Variants in GRK5 observed in about 807,000 individuals in gnomAD.
The protein encoded by GRK5 is g protein-coupled receptor kinase GRK5.
GRK5 carries 40 observed loss-of-function variants against 78.4 expected under a neutral mutation model. That is an observed-to-expected ratio of 0.51 (90% CI 0.40 to 0.66). The LOEUF (loss-of-function observed/expected upper bound fraction) is 0.66, where lower values mean the gene tolerates loss of function less well. GRK5 is among the 30% of genes least tolerant of loss of function. GRK5 has a pLI of 0.00. For synonymous variants in GRK5, 289 were observed against 296.8 expected (o/e 0.97, Z 0.27); for missense variants, 598 against 759.9 (o/e 0.79, Z 2.50).
chr10:119,350,837 G>A (rs1013822442), intron 2 of GRK5, among the ~76,000 whole-genome samples: 1 of 152,222 alleles, frequency 6.6e-6, no homozygotes, highest in Non-Finnish European at 1.5e-5. Flanking sequence ...CATGCACGCA[G>A]CACAGCAGAA....
At chr10:119,350,379 A>G (rs1316764854) in intron 2 of GRK5, among the ~76,000 whole-genome samples, 1 of 152,264 alleles carries the variant, frequency 6.6e-6, no homozygotes, top group Non-Finnish European at 1.5e-5. Flanking sequence ...TATTGCCAAG[A>G]AACATTTTGC....
chr10:119,310,085 G>A (rs773254353), intron 1 of GRK5, among the ~76,000 whole-genome samples: 1 of 152,212 alleles, frequency 6.6e-6, no homozygotes, highest in Non-Finnish European at 1.5e-5. Flanking sequence ...GGTAATTAAT[G>A]TACCTGAGTG....
intron 1 of GRK5, among the ~76,000 whole-genome samples, chr10:119,270,519 C>T (rs898230246): frequency 6.6e-6 from 1 of 152,336 alleles, no homozygotes; most frequent in East Asian, 1.9e-4. Flanking sequence ...CATTTTATAT[C>T]AGGGACTTGA....
chr10:119,288,881 C>T (rs1849904290), intron 1 of GRK5, among the ~76,000 whole-genome samples: 1 of 152,242 alleles, frequency 6.6e-6, no homozygotes, highest in Non-Finnish European at 1.5e-5. Flanking sequence ...AACCTCCCAC[C>T]TTGGGTATGC....
Position 119,412,804 on chromosome 10 carries a change from G to A in GRK5, c.340-10362G>A, listed in dbSNP as rs778841092. Among the ~76,000 whole-genome samples, 2 of 152,190 alleles carry A rather than the reference G, an allele frequency of 1.3e-5. No homozygotes were observed. The highest frequency in any genetic ancestry group is 2.9e-5 in the Non-Finnish European group (2 of 68,038). On this transcript the variant is annotated intron_variant, in intron 4 of 15. Coordinates refer to ENST00000392870, the MANE Select transcript of GRK5 (RefSeq NM_005308.3). This position sits in a 1 kb window ranked among gnomAD's most constrained non-coding sequence, Gnocchi z 4.3. Reference sequence around the variant, plus strand: ...TGTGACCGTATGAGCATGTTTAATTGCAAGCCAGGGTTTAGGGTTGGAACA... The same window carrying A: ...TGTGACCGTATGAGCATGTTTAATTACAAGCCAGGGTTTAGGGTTGGAACA...
chr10:119,239,320 C>A (rs900538759), intron 1 of GRK5, among the ~76,000 whole-genome samples: 1 of 151,744 alleles, frequency 6.6e-6, no homozygotes, highest in African/African-American at 2.4e-5. Flanking sequence ...CTGCAACCTC[C>A]GCCTCCCGGT....
intron 15 of GRK5, among the ~76,000 whole-genome samples, 194 bp downstream of exon 15, chr10:119,453,470 G>A (rs1040865524): frequency 1.3e-5 from 2 of 152,172 alleles, no homozygotes; most frequent in Non-Finnish European, 2.9e-5. Flanking sequence ...CCGGGGAGAA[G>A]GGCAGGGCCA....
chr10:119,370,254 C>T (rs1851525280), intron 2 of GRK5, among the ~76,000 whole-genome samples: 1 of 152,224 alleles, frequency 6.6e-6, no homozygotes, highest in Non-Finnish European at 1.5e-5. Flanking sequence ...CACACTTCCC[C>T]TGCCTGGCAG....
At chr10:119,343,206 G>T (rs138002208) in intron 2 of GRK5, among the ~76,000 whole-genome samples, 1 of 152,248 alleles carries the variant, frequency 6.6e-6, no homozygotes, top group Non-Finnish European at 1.5e-5. Context: ...GCCCAAGGGC[G>T]GGGTGGGGAA....
intron 1 of GRK5, among the ~76,000 whole-genome samples, chr10:119,273,587 G>A (rs990361967): frequency 6.6e-6 from 1 of 152,192 alleles, no homozygotes; most frequent in African/African-American, 2.4e-5. Flanking sequence ...AAGTGTGGAT[G>A]GGCCGCGGCT....
intron 9 of GRK5, among the ~76,000 whole-genome samples, chr10:119,437,930 T>C (rs1287546513): frequency 2.6e-5 from 4 of 152,144 alleles, no homozygotes; most frequent in African/African-American, 9.7e-5. Flanking sequence ...AAACCCTGTC[T>C]CTACTAAAAA....
intron 8 of GRK5, among the ~76,000 whole-genome samples, chr10:119,434,852 G>A (rs1467188833): frequency 6.6e-6 from 1 of 152,232 alleles, no homozygotes; most frequent in Non-Finnish European, 1.5e-5. Flanking sequence ...CCCTAGCAGA[G>A]GGTCTCCATG....
intron 1 of GRK5, among the ~76,000 whole-genome samples, chr10:119,215,431 A>G (rs780779066): frequency 6.7e-6 from 1 of 148,740 alleles, no homozygotes; most frequent in African/African-American, 2.5e-5. Flanking sequence ...GGAGAGAGAC[A>G]GTGTGGAGGA....
chr10:119,254,825 C>T (rs1394468633), intron 1 of GRK5, among the ~76,000 whole-genome samples: 9 of 152,026 alleles, frequency 5.9e-5, no homozygotes, highest in Admixed American at 2.6e-4. Flanking sequence ...GAGGCTGAGA[C>T]GGATGGATCA....
chr10:119,441,852 T>C (rs1293362707), intron 10 of GRK5, 147 bp from the exon 11 acceptor site: 3 of 636,402 alleles, frequency 4.7e-6, no homozygotes, highest in Non-Finnish European at 8.6e-6. Flanking sequence ...GCTCTTGTGG[T>C]CACTCTGAGA....
In GRK5 at chr10:119,378,933, G is replaced by A. The variant is rs747394126; in HGVS notation, c.149-1882G>A. 5.9e-5 allele frequency among the ~76,000 whole-genome samples: 9 copies of A among 152,218 alleles called. No individual in the cohort carries two copies. Among genetic ancestry groups the A allele is most frequent in the Admixed American group, 2.6e-4 (4 of 15,288 alleles). ...CTCTGATTGGCTGTGACTAAGTGAC[G>A]TGTCCATCCGTGACCGTAGCACTGT... On this transcript the variant is annotated intron_variant, in intron 2 of 15. Transcript: ENST00000392870. This position sits in a 1 kb window ranked among gnomAD's most constrained non-coding sequence, Gnocchi z 4.5.
intron 2 of GRK5, among the ~76,000 whole-genome samples, chr10:119,357,595 T>C (rs1026492264): frequency 9.9e-5 from 15 of 152,180 alleles, no homozygotes; most frequent in Non-Finnish European, 1.8e-4. Context: ...GAGGCCTGCA[T>C]CCAGGTGCCA....
intron 1 of GRK5, among the ~76,000 whole-genome samples, chr10:119,235,358 C>A (rs1848907407): frequency 6.6e-6 from 1 of 152,178 alleles, no homozygotes; most frequent in African/African-American, 2.4e-5. Context: ...CTGGAACTCA[C>A]TAGCATGTAA....
At chr10:119,415,101 A>G (rs1852422805) in intron 4 of GRK5, among the ~76,000 whole-genome samples, 1 of 151,168 alleles carries the variant, frequency 6.6e-6, no homozygotes, top group African/African-American at 2.4e-5. Context: ...AAAAAAAAAA[A>G]AAGAAAAAGA....
Sources: allele counts gnomAD v4.1 joint callset (sites outside exome capture counted in the v4.1 genomes callset), GRCh38; gene constraint gnomAD v4.1.1; non-coding constraint Gnocchi (gnomAD v3.1); transcripts MANE v1.5; gene names NCBI Gene and HGNC (gene_info 2026-07-23, HGNC 2026-07-21).